Variants in ANTXR1 observed in about 807,000 individuals in gnomAD.
ANTXR1 encodes anthrax toxin receptor 1.
Under a neutral mutation model 78.1 loss-of-function variants are expected in ANTXR1, and 19 were observed. The observed-to-expected ratio is 0.24, with a 90% CI of 0.17 to 0.36. ANTXR1 has a LOEUF of 0.36. ANTXR1 is among the 10% of genes least tolerant of loss of function. The probability of loss-of-function intolerance (pLI) is 1.00; values close to 1 mark genes in which losing one functional copy is unlikely to be tolerated. For missense variants in ANTXR1, 518 were observed against 718.6 expected (o/e 0.72, Z 3.19); for synonymous variants, 273 against 260.5 (o/e 1.05, Z -0.46).
chr2:69,177,213 G>A (rs1033991707), intron 14 of ANTXR1, among the ~76,000 whole-genome samples: 1 of 152,192 alleles, frequency 6.6e-6, no homozygotes, highest in African/African-American at 2.4e-5. Flanking sequence ...AATAGGTTAC[G>A]CTTAAACAAC....
Position 69,111,940 on chromosome 2 carries a change from C to CA in ANTXR1, c.802+9008dup, listed in dbSNP as rs1170361225. On this transcript the variant is annotated intron_variant, in intron 10 of 17. Transcript: ENST00000303714. ...CGAGGGCAGGAGAACATAAACTTCCCAAAAAAAAGCCTATTGTTTCCTTTG... is the reference window on the plus strand; with the variant it reads ...CGAGGGCAGGAGAACATAAACTTCCCAAAAAAAAAGCCTATTGTTTCCTTTG... 4.0e-5 allele frequency among the ~76,000 whole-genome samples: 6 copies of CA among 151,516 alleles called. No homozygotes were observed. The South Asian group carries it at 8.4e-4, about 21-fold the overall frequency.
intron 12 of ANTXR1, chr2:69,145,404 C>G: frequency 6.3e-7 from 1 of 1,580,654 alleles, no homozygotes; most frequent in Non-Finnish European, 8.6e-7. Flanking sequence ...TCCCTCCGGA[C>G]AGCACACTCC....
chr2:69,148,060 T>C (rs1673276155), intron 12 of ANTXR1, among the ~76,000 whole-genome samples: 1 of 152,178 alleles, frequency 6.6e-6, no homozygotes, highest in African/African-American at 2.4e-5. Flanking sequence ...TCTGAATCTT[T>C]CCCTCCTCCA....
intron 10 of ANTXR1, among the ~76,000 whole-genome samples, chr2:69,108,868 C>T (rs183550075): frequency 5.9e-5 from 9 of 152,200 alleles, no homozygotes; most frequent in East Asian, 5.8e-4. Flanking sequence ...CTATCACTGA[C>T]GGGCAGACAA....
At chr2:69,014,180 G>A (rs74864320) in intron 1 of ANTXR1, among the ~76,000 whole-genome samples, 1,779 of 152,296 alleles carry the variant, frequency 0.012, 55 homozygotes, top group East Asian at 0.11. Flanking sequence ...CACTGAGTGA[G>A]AATGAAAGGC....
chr2:69,205,158 CAGA>C (rs1279115950), intron 17 of ANTXR1, among the ~76,000 whole-genome samples: 1 of 152,094 alleles, frequency 6.6e-6, no homozygotes. Context: ...AGCATAGAGC[CAGA>C]AGATTTAACC....
intron 17 of ANTXR1, among the ~76,000 whole-genome samples, chr2:69,211,805 G>A (rs1384821012): frequency 2.0e-5 from 3 of 152,228 alleles, no homozygotes; most frequent in Non-Finnish European, 4.4e-5. Flanking sequence ...ACAGTCAGAC[G>A]CTGCCTGCTT....
At chr2:69,173,020 C>A (rs541809720) in intron 14 of ANTXR1, among the ~76,000 whole-genome samples, 2 of 152,294 alleles carry the variant, frequency 1.3e-5, no homozygotes, top group African/African-American at 4.8e-5. Context: ...ATGTAATCAC[C>A]TTCCATGGAT....
At chr2:69,161,720 T>G (rs138659452) in intron 13 of ANTXR1, among the ~76,000 whole-genome samples, 1 of 152,336 alleles carries the variant, frequency 6.6e-6, no homozygotes, top group East Asian at 1.9e-4. Flanking sequence ...AATGGAAGGC[T>G]AGAATGTAAA....
chr2:69,217,109 G>A (rs4353686), intron 17 of ANTXR1, among the ~76,000 whole-genome samples: 43,425 of 152,122 alleles, frequency 0.29, 7,318 homozygotes, highest in Non-Finnish European at 0.38. Flanking sequence ...ATTCGCTTTC[G>A]GCAAACCTTT....
chr2:69,162,937 A>G (rs538944881), intron 13 of ANTXR1, among the ~76,000 whole-genome samples: 20 of 152,266 alleles, frequency 1.3e-4, no homozygotes, highest in African/African-American at 4.6e-4. Context: ...GCGCAAAAGT[A>G]ATTGCGGTTT....
chr2:69,047,905 C>T (rs186934025), intron 3 of ANTXR1, among the ~76,000 whole-genome samples: 9 of 152,276 alleles, frequency 5.9e-5, no homozygotes, highest in Admixed American at 5.9e-4. Flanking sequence ...TATTCTGATT[C>T]TGGATTCTAA....
chr2:69,125,103 T>C (rs1392841791), intron 12 of ANTXR1, among the ~76,000 whole-genome samples: 4 of 152,094 alleles, frequency 2.6e-5, no homozygotes, highest in African/African-American at 9.7e-5. Flanking sequence ...TCATTTTATT[T>C]AGGATGGGAG....
At position 69,068,568 on chromosome 2, in the gene ANTXR1, G is replaced by C. The variant is rs182324338; in HGVS notation, c.297-2079G>C. ...GACCAGTATGGCTGAAGGCAAGAGA[G>C]TGGGGGCAGAATGATGTGAGATGAG... On this transcript the variant is annotated intron_variant, in intron 3 of 17. Transcript: ENST00000303714. Among the ~76,000 whole-genome samples, 107 of 152,314 alleles carry C rather than the reference G, an allele frequency of 7.0e-4. No homozygotes were observed. The East Asian group carries it at 0.018, about 25-fold the overall frequency.
intron 12 of ANTXR1, among the ~76,000 whole-genome samples, chr2:69,129,010 G>T (rs1672639206): frequency 6.6e-6 from 1 of 152,130 alleles, no homozygotes; most frequent in African/African-American, 2.4e-5. Flanking sequence ...AGTTTTACAG[G>T]AAAGAGATTT....
At chr2:69,172,199 C>T (rs773118731) in intron 14 of ANTXR1, among the ~76,000 whole-genome samples, 3 of 152,180 alleles carry the variant, frequency 2.0e-5, no homozygotes, top group East Asian at 1.9e-4. Context: ...TTAAATATGA[C>T]GTCAGAAATA....
At chr2:69,024,327 G>A (rs187255936) in intron 1 of ANTXR1, among the ~76,000 whole-genome samples, 7 of 152,196 alleles carry the variant, frequency 4.6e-5, no homozygotes, top group Middle Eastern at 3.4e-3. Context: ...TAAGCCCAAG[G>A]GTAATAGTTG....
At chr2:69,085,208 G>A (rs1008185010) in intron 8 of ANTXR1, among the ~76,000 whole-genome samples, 1 of 152,088 alleles carries the variant, frequency 6.6e-6, no homozygotes, top group African/African-American at 2.4e-5. Context: ...CTGTAATAAT[G>A]TTTGTGGCGC....
chr2:69,235,651 C>CAAAA (rs554310438), intron 17 of ANTXR1, among the ~76,000 whole-genome samples: 56 of 58,154 alleles, frequency 9.6e-4, no homozygotes, highest in African/African-American at 2.3e-3. Context: ...AACCCCGTCT[C>CAAAA]AAAAAAAAAA....
Sources: allele counts gnomAD v4.1 joint callset (sites outside exome capture counted in the v4.1 genomes callset), GRCh38; gene constraint gnomAD v4.1.1; transcripts MANE v1.5; gene names NCBI Gene and HGNC (gene_info 2026-07-23, HGNC 2026-07-21).